COL25A1: variants seen among roughly 807,000 people sequenced by gnomAD.
COL25A1 encodes collagen alpha-1(XXV) chain.
Under a neutral mutation model 128.4 loss-of-function variants are expected in COL25A1, and 103 were observed. That is an observed-to-expected ratio of 0.80 (90% CI 0.68 to 0.94). COL25A1 has a LOEUF of 0.94. Ranked by LOEUF, COL25A1 falls within the 40% of genes least tolerant of loss-of-function variation. The pLI, the probability that COL25A1 is intolerant of heterozygous loss-of-function variation, is 0.00. For synonymous variants in COL25A1, 279 were observed against 277.2 expected (o/e 1.01, Z -0.06); for missense variants, 745 against 840.0 (o/e 0.89, Z 1.40).
rs189859079 is a variant in COL25A1 at position 109,203,702 on chromosome 4, G to C, written c.367+96881C>G. Among the ~76,000 whole-genome samples the C allele has an allele frequency of 6.0e-5, 9 of 151,196 alleles. No homozygotes were observed. In the East Asian group the frequency reaches 1.6e-3, roughly 27 times the overall value. On this transcript the variant is annotated intron_variant, in intron 3 of 37. Transcript: ENST00000399132. ...ATCTTAGGGTGAAATAAATAGTAAAGGGTGCATAGAAAAGTAAGAAAATAA... is the reference window on the plus strand; with the variant it reads ...ATCTTAGGGTGAAATAAATAGTAAACGGTGCATAGAAAAGTAAGAAAATAA...
chr4:109,116,918 T>C (rs1192409700), intron 3 of COL25A1, among the ~76,000 whole-genome samples: 1 of 151,852 alleles, frequency 6.6e-6, no homozygotes, highest in Non-Finnish European at 1.5e-5. Context: ...GAGAAGAATC[T>C]CTGAACTTGA....
chr4:108,945,468 C>T (rs2061134673), intron 8 of COL25A1, among the ~76,000 whole-genome samples: 1 of 152,122 alleles, frequency 6.6e-6, no homozygotes, highest in Non-Finnish European at 1.5e-5. Context: ...TTTTATTAAC[C>T]ATACCATTTT....
At chr4:108,823,781 G>A in intron 35 of COL25A1, 1 of 450,630 alleles carries the variant, frequency 2.2e-6, no homozygotes, top group Non-Finnish European at 3.4e-6. Flanking sequence ...CTGGGAAGTA[G>A]TGAAGACAAG....
At chr4:108,849,237 AATGCAAAGCCCCATGAATTTTCAAC>A (rs1243354198) in intron 26 of COL25A1, among the ~76,000 whole-genome samples, 39 of 152,322 alleles carry the variant, frequency 2.6e-4, no homozygotes, top group African/African-American at 9.4e-4. Flanking sequence ...AAAAAAGTAA[AATGCAAAGCCCCATGAATTTTCAAC>A]AATATTTTAA....
chr4:109,127,746 C>T (rs752619929), intron 3 of COL25A1, among the ~76,000 whole-genome samples: 1 of 152,128 alleles, frequency 6.6e-6, no homozygotes, highest in East Asian at 1.9e-4. Flanking sequence ...AGGCCGTAAA[C>T]GTTAGCTGAT....
chr4:109,214,573 G>A (rs570652646), intron 3 of COL25A1, among the ~76,000 whole-genome samples: 44 of 151,580 alleles, frequency 2.9e-4, no homozygotes, highest in African/African-American at 1.0e-3. Flanking sequence ...TCCTGCAACA[G>A]TACTATGAAC....
intron 3 of COL25A1, among the ~76,000 whole-genome samples, chr4:109,294,355 T>C (rs1724765799): frequency 6.6e-6 from 1 of 152,156 alleles, no homozygotes; most frequent in Admixed American, 6.6e-5. Flanking sequence ...TTGTAAGTGA[T>C]TTCCACTTAC....
chr4:109,030,878 G>A (rs1038273118), intron 5 of COL25A1, among the ~76,000 whole-genome samples: 2 of 151,910 alleles, frequency 1.3e-5, no homozygotes, highest in Non-Finnish European at 2.9e-5. Flanking sequence ...TCAGCCTCCC[G>A]AGTAGCTGGG....
At chr4:109,012,750 G>C (rs189319785) in intron 5 of COL25A1, among the ~76,000 whole-genome samples, 355 of 152,318 alleles carry the variant, frequency 2.3e-3, no homozygotes, top group Non-Finnish European at 3.4e-3. Flanking sequence ...TGCCATGCCT[G>C]AGCCCCTCTG....
At chr4:108,858,707 A>C (rs1006788889) in intron 24 of COL25A1, among the ~76,000 whole-genome samples, 1 of 152,200 alleles carries the variant, frequency 6.6e-6, no homozygotes, top group Non-Finnish European at 1.5e-5. Context: ...GGAAGAACAC[A>C]GAGGGAGTGA....
At chr4:108,814,467 A>G (rs1287465428) in intron 37 of COL25A1, among the ~76,000 whole-genome samples, 1 of 152,118 alleles carries the variant, frequency 6.6e-6, no homozygotes, top group African/African-American at 2.4e-5. Context: ...TGCAAGGTAG[A>G]CCTGCCTGCT....
intron 12 of COL25A1, 54 bp from the exon 13 acceptor site, chr4:108,918,270 T>G (rs1745098227): frequency 7.8e-7 from 1 of 1,286,226 alleles, no homozygotes; most frequent in African/African-American, 1.5e-5. Context: ...ATATTTCAAT[T>G]CTAAATTTAT....
At chr4:109,188,072 G>T (rs1314315682) in intron 3 of COL25A1, among the ~76,000 whole-genome samples, 1 of 152,104 alleles carries the variant, frequency 6.6e-6, no homozygotes, top group Non-Finnish European at 1.5e-5. Context: ...CAAGGCCAAT[G>T]AAACTAATCG....
At chr4:109,104,432 G>C (rs1204582696) in intron 3 of COL25A1, among the ~76,000 whole-genome samples, 1 of 144,342 alleles carries the variant, frequency 6.9e-6, no homozygotes, top group Non-Finnish European at 1.6e-5. Context: ...TTTGCAATCT[G>C]TAATGAATTA....
At position 108,897,861 on chromosome 4, in the gene COL25A1, C is replaced by T. The variant is rs370375084; in HGVS notation, c.862-1150G>A. Reference sequence around the variant, plus strand: ...TTCAAATAAGCATGAAGTTAGTCTGCCTGGGCATTTGTTTATGGTGACAAA... The same window carrying T: ...TTCAAATAAGCATGAAGTTAGTCTGTCTGGGCATTTGTTTATGGTGACAAA... On this transcript the variant is annotated intron_variant, in intron 15 of 37. Transcript: ENST00000399132. 3.1e-4 allele frequency among the ~76,000 whole-genome samples: 47 copies of T among 152,266 alleles called. No homozygotes were observed. In the South Asian group the frequency reaches 9.8e-3, roughly 32 times the overall value.
intron 11 of COL25A1, among the ~76,000 whole-genome samples, chr4:108,936,942 G>A (rs1747492478): frequency 6.6e-6 from 1 of 151,806 alleles, no homozygotes; most frequent in Non-Finnish European, 1.5e-5. Context: ...CCCGTGCCCA[G>A]CCTACCTTTT....
At chr4:109,038,367 C>T (rs1759551945) in intron 5 of COL25A1, among the ~76,000 whole-genome samples, 1 of 152,126 alleles carries the variant, frequency 6.6e-6, no homozygotes, top group Admixed American at 6.5e-5. Flanking sequence ...AGAAATCTTG[C>T]CTGAGTTCCA....
intron 3 of COL25A1, among the ~76,000 whole-genome samples, chr4:109,171,685 A>C (rs570255703): frequency 6.6e-6 from 1 of 152,230 alleles, no homozygotes; most frequent in South Asian, 2.1e-4. Flanking sequence ...TTCATCTTTG[A>C]ATAGCCACTA....
chr4:109,030,892 A>G (rs1484733812), intron 5 of COL25A1, among the ~76,000 whole-genome samples: 1 of 152,000 alleles, frequency 6.6e-6, no homozygotes, highest in African/African-American at 2.4e-5. Flanking sequence ...AGCTGGGTCT[A>G]CATGCCTGGC....
Sources: gnomAD v4.1 joint callset for allele counts (sites outside exome capture counted in the v4.1 genomes callset) on GRCh38, gnomAD v4.1.1 for gene constraint, MANE v1.5 for transcripts, NCBI Gene and HGNC (gene_info 2026-07-23, HGNC 2026-07-21) for gene names.